Variants in ST6GAL2 observed in about 807,000 individuals in gnomAD.
ST6GAL2 encodes ST6 beta-galactoside alpha-2,6-sialyltransferase 2, also known as beta-galactoside alpha-2,6-sialyltransferase 2.
In ST6GAL2, 24 loss-of-function variants were observed where a neutral mutation model predicts 37.5. That is an observed-to-expected ratio of 0.64 (90% CI 0.46 to 0.90). ST6GAL2 has a LOEUF of 0.90. ST6GAL2 is among the 40% of genes least tolerant of loss of function. ST6GAL2 has a pLI of 0.00. For synonymous variants in ST6GAL2, 306 were observed against 295.1 expected (o/e 1.04, Z -0.38); for missense variants, 715 against 712.7 (o/e 1.00, Z -0.04).
chr2:106,810,273 CTT>C (rs1184269572), intron 5 of ST6GAL2, among the ~76,000 whole-genome samples: 1 of 152,166 alleles, frequency 6.6e-6, no homozygotes, highest in Non-Finnish European at 1.5e-5. Context: ...AATAGGCACA[CTT>C]TTAGTATTTT....
At chr2:106,848,048 T>C (rs115004031) in intron 1 of ST6GAL2, among the ~76,000 whole-genome samples, 4,329 of 151,350 alleles carry the variant, frequency 0.029, 192 homozygotes, top group African/African-American at 0.096. Context: ...TCTTTCTTTT[T>C]TTTTTTTTTT....
chr2:106,876,136 A>G (rs1056044660), intron 1 of ST6GAL2, among the ~76,000 whole-genome samples: 1 of 100,646 alleles, frequency 9.9e-6, no homozygotes, highest in Non-Finnish European at 2.0e-5. Context: ...CTGGACACAA[A>G]TTTCATTTTT....
At chr2:106,860,578 G>A (rs188089827) in intron 1 of ST6GAL2, among the ~76,000 whole-genome samples, 28 of 152,200 alleles carry the variant, frequency 1.8e-4, no homozygotes, top group African/African-American at 6.0e-4. Flanking sequence ...ACTGCAACAC[G>A]GGCAGGTACA....
chr2:106,844,436 G>A (rs1036285681), intron 1 of ST6GAL2, among the ~76,000 whole-genome samples: 11 of 152,104 alleles, frequency 7.2e-5, no homozygotes, highest in Non-Finnish European at 1.5e-5. Flanking sequence ...AGCCAGAGAG[G>A]TAAGCATGGT....
chr2:106,855,555 G>C (rs1677541110), intron 1 of ST6GAL2, among the ~76,000 whole-genome samples: 1 of 152,188 alleles, frequency 6.6e-6, no homozygotes, highest in Non-Finnish European at 1.5e-5. Flanking sequence ...ATGAGTGAGA[G>C]AGGGGATGCC....
At chr2:106,857,469 T>C (rs1677621892) in intron 1 of ST6GAL2, among the ~76,000 whole-genome samples, 1 of 152,072 alleles carries the variant, frequency 6.6e-6, no homozygotes, top group South Asian at 2.1e-4. Flanking sequence ...CTGGGTGTGG[T>C]GGCAGATGCC....
At chr2:106,872,610 TTTA>T (rs1389028176) in intron 1 of ST6GAL2, among the ~76,000 whole-genome samples, 1 of 152,008 alleles carries the variant, frequency 6.6e-6, no homozygotes, top group Non-Finnish European at 1.5e-5. Context: ...TATTTATTTA[TTTA>T]TTATTATTAT....
At chr2:106,824,230 G>T (rs1249483386) in intron 5 of ST6GAL2, among the ~76,000 whole-genome samples, 1 of 152,184 alleles carries the variant, frequency 6.6e-6, no homozygotes, top group Admixed American at 6.5e-5. Flanking sequence ...CATTTCACAA[G>T]AAGTTTTAAG....
chr2:106,835,059 C>G (rs1335089113), intron 2 of ST6GAL2: 1 of 152,200 alleles, frequency 6.6e-6, no homozygotes, highest in Non-Finnish European at 1.5e-5. Context: ...AGCATTGGGA[C>G]TAGGGGATAT....
intron 1 of ST6GAL2, among the ~76,000 whole-genome samples, chr2:106,875,174 C>CTTTT (rs11330010): frequency 7.8e-6 from 1 of 128,948 alleles, no homozygotes; most frequent in Admixed American, 7.7e-5. Flanking sequence ...TTTTTTGTTT[C>CTTTT]TTTTTTTTTT....
chr2:106,813,016 A>ACAC, intron 5 of ST6GAL2: 1 of 1,223,550 alleles, frequency 8.2e-7, no homozygotes, highest in South Asian at 4.3e-5. Context: ...CAAGATTTAG[A>ACAC]CACGTTTTAA....
intron 1 of ST6GAL2, among the ~76,000 whole-genome samples, chr2:106,871,513 CTT>C (rs1678266907): frequency 6.6e-6 from 1 of 152,192 alleles, no homozygotes. Context: ...ACTTTGGACT[CTT>C]TTGTAACACT....
At chr2:106,833,190 T>C (rs1037063131) in intron 3 of ST6GAL2, among the ~76,000 whole-genome samples, 2 of 88,210 alleles carry the variant, frequency 2.3e-5, no homozygotes, top group African/African-American at 9.3e-5. Flanking sequence ...TTAAGATACT[T>C]TTTTTTTTTA....
intron 1 of ST6GAL2, among the ~76,000 whole-genome samples, chr2:106,852,503 C>T (rs959643660): frequency 1.3e-5 from 2 of 152,276 alleles, no homozygotes; most frequent in Non-Finnish European, 2.9e-5. Flanking sequence ...GTAAGGTTCC[C>T]GAAGGTGGGG....
At chr2:106,848,946 A>G (rs73949789) in intron 1 of ST6GAL2, among the ~76,000 whole-genome samples, 41 of 152,312 alleles carry the variant, frequency 2.7e-4, no homozygotes, top group African/African-American at 9.4e-4. Flanking sequence ...TTCTTGCTTA[A>G]AATGGAACAA....
intron 1 of ST6GAL2, among the ~76,000 whole-genome samples, chr2:106,862,312 G>A (rs950034467): frequency 6.6e-6 from 1 of 152,112 alleles, no homozygotes; most frequent in Non-Finnish European, 1.5e-5. Flanking sequence ...AATGTTTGCA[G>A]CAGCTATATT....
At chr2:106,884,132 G>A (rs1473010942) in intron 1 of ST6GAL2, among the ~76,000 whole-genome samples, 1 of 152,026 alleles carries the variant, frequency 6.6e-6, no homozygotes, top group Non-Finnish European at 1.5e-5. Flanking sequence ...GGGGTGGGGG[G>A]GTGGAACCTC....
intron 5 of ST6GAL2, among the ~76,000 whole-genome samples, chr2:106,810,364 T>C (rs946943127): frequency 6.6e-6 from 1 of 152,214 alleles, no homozygotes; most frequent in Non-Finnish European, 1.5e-5. Context: ...CTCATGGCAG[T>C]CCAAATTGAA....
intron 1 of ST6GAL2, among the ~76,000 whole-genome samples, chr2:106,885,631 G>A (rs1678949438): frequency 6.6e-6 from 1 of 152,014 alleles, no homozygotes; most frequent in Admixed American, 6.6e-5. Context: ...CCGTAACACC[G>A]CGGAAAGTAA....
Sources: gnomAD v4.1 joint callset for allele counts (sites outside exome capture counted in the v4.1 genomes callset) on GRCh38, gnomAD v4.1.1 for gene constraint, MANE v1.5 for transcripts, NCBI Gene and HGNC (gene_info 2026-07-23, HGNC 2026-07-21) for gene names.